Variants in PTPRD observed in about 807,000 individuals in gnomAD.
PTPRD encodes the protein protein tyrosine phosphatase receptor type D, also known as receptor-type tyrosine-protein phosphatase delta.
In PTPRD, 34 loss-of-function variants were observed where a neutral mutation model predicts 214.5. The ratio of observed to expected loss-of-function variants is 0.16; its 90% confidence interval spans 0.12 to 0.21. The LOEUF (loss-of-function observed/expected upper bound fraction) is 0.21. Ranked by LOEUF, PTPRD falls within the 10% of genes least tolerant of loss-of-function variation. The pLI, the probability that PTPRD is intolerant of heterozygous loss-of-function variation, is 1.00. For synonymous variants in PTPRD, 1,128 were observed against 845.7 expected (o/e 1.33, Z -5.79); for missense variants, 2,545 against 2,398.7 (o/e 1.06, Z -1.27).
intron 12 of PTPRD, among the ~76,000 whole-genome samples, chr9:8,710,175 T>C (rs2098300270): frequency 6.6e-6 from 1 of 152,184 alleles, no homozygotes; most frequent in Non-Finnish European, 1.5e-5. Context: ...CTGGCAATAG[T>C]GGACCATATA....
At chr9:9,916,829 C>A (rs1566281134) in intron 5 of PTPRD, among the ~76,000 whole-genome samples, 3 of 151,822 alleles carry the variant, frequency 2.0e-5, no homozygotes, top group African/African-American at 4.8e-5. Flanking sequence ...TGTTAGGACA[C>A]CAAACAAGTT....
intron 11 of PTPRD, among the ~76,000 whole-genome samples, chr9:8,992,644 C>T (rs2099379817): frequency 6.6e-6 from 1 of 152,158 alleles, no homozygotes; most frequent in Non-Finnish European, 1.5e-5. Context: ...TACTTTGAGT[C>T]TTGAACAAAC....
chr9:9,998,405 A>G (rs576713401), intron 4 of PTPRD, among the ~76,000 whole-genome samples: 45 of 151,976 alleles, frequency 3.0e-4, no homozygotes, highest in Non-Finnish European at 4.6e-4. Context: ...TCTAAGCACT[A>G]CAGCCAGTCT....
chr9:8,803,659 G>T (rs1331185110), intron 11 of PTPRD, among the ~76,000 whole-genome samples: 1 of 151,766 alleles, frequency 6.6e-6, no homozygotes, highest in East Asian at 1.9e-4. Flanking sequence ...AAGAGGTGAA[G>T]CCTACAGAAA....
At chr9:9,082,626 T>C (rs1352897855) in intron 10 of PTPRD, among the ~76,000 whole-genome samples, 2 of 152,142 alleles carry the variant, frequency 1.3e-5, no homozygotes, top group East Asian at 1.9e-4. Flanking sequence ...TCTTTGCGGA[T>C]GACATGATTG....
intron 10 of PTPRD, among the ~76,000 whole-genome samples, chr9:9,113,405 G>C (rs2099808902): frequency 6.6e-6 from 1 of 152,106 alleles, no homozygotes; most frequent in Admixed American, 6.6e-5. Context: ...GGAGAGTGTT[G>C]TCCTAAAGGA....
At chr9:8,967,439 G>A (rs2099204165) in intron 11 of PTPRD, among the ~76,000 whole-genome samples, 1 of 152,026 alleles carries the variant, frequency 6.6e-6, no homozygotes, top group Non-Finnish European at 1.5e-5. Context: ...CATTAACAGT[G>A]GGCTGGATAA....
chr9:9,835,071 A>C lies in PTPRD; in HGVS notation c.-367-68220T>G, dbSNP rs545073264. ...GTTACATAATCATCCAAAAGGGCATAAACTTTTCTACTATTTGATGGCATC... is the reference window on the plus strand; with the variant it reads ...GTTACATAATCATCCAAAAGGGCATCAACTTTTCTACTATTTGATGGCATC... On this transcript the variant is annotated intron_variant, in intron 5 of 45. Coordinates refer to ENST00000381196, the MANE Select transcript of PTPRD (RefSeq NM_002839.4). Among the ~76,000 whole-genome samples the C allele has an allele frequency of 3.9e-5, 6 of 152,206 alleles. No homozygotes were observed. The East Asian group carries it at 9.7e-4, about 25-fold the overall frequency.
At chr9:8,730,886 AC>A (rs1322887650) in intron 12 of PTPRD, among the ~76,000 whole-genome samples, 1 of 152,194 alleles carries the variant, frequency 6.6e-6, no homozygotes, top group Non-Finnish European at 1.5e-5. Flanking sequence ...TCACAGCTCT[AC>A]TGTCCAGACA....
chr9:9,996,233 T>C (rs1042622950), intron 4 of PTPRD, among the ~76,000 whole-genome samples: 5 of 152,208 alleles, frequency 3.3e-5, no homozygotes, highest in Admixed American at 2.0e-4. Flanking sequence ...TAACTTAAGT[T>C]GGGAGTTACT....
intron 3 of PTPRD, among the ~76,000 whole-genome samples, chr9:10,060,472 C>G (rs1034950795): frequency 9.2e-5 from 14 of 151,962 alleles, no homozygotes; most frequent in Non-Finnish European, 1.8e-4. Flanking sequence ...TGTAAAATTA[C>G]GAAAACCCTA....
In PTPRD at chr9:9,871,156, GAAAGA is replaced by G. The variant is rs1461387586; in HGVS notation, c.-368+67346_-368+67350del. ...GAAAACTTGAAGCCTACAAAAATTA[GAAAGA>G]AAATAAAATAATTTAGTCCTTACAT... On this transcript the variant is annotated intron_variant, in intron 5 of 45. Coordinates refer to ENST00000381196, the MANE Select transcript of PTPRD (RefSeq NM_002839.4). Among the ~76,000 whole-genome samples, 11 of 152,110 alleles carry G rather than the reference GAAAGA, an allele frequency of 7.2e-5. No individual in the cohort carries two copies. In the South Asian group the frequency reaches 2.1e-3, roughly 29 times the overall value.
At chr9:8,517,746 T>C (rs2097809090) in intron 21 of PTPRD, 102 bp downstream of exon 21, 4 of 1,032,594 alleles carry the variant, frequency 3.9e-6, no homozygotes, top group Admixed American at 2.6e-5. Context: ...ATCTCAAAAA[T>C]TAAAATTCAT....
intron 7 of PTPRD, among the ~76,000 whole-genome samples, chr9:9,695,622 T>A (rs534942067): frequency 6.6e-6 from 1 of 152,338 alleles, no homozygotes; most frequent in South Asian, 2.1e-4. Context: ...TTGGTGTTAA[T>A]TTTTATCTAA....
chr9:9,325,899 T>C (rs932793693), intron 9 of PTPRD, among the ~76,000 whole-genome samples: 2 of 152,234 alleles, frequency 1.3e-5, no homozygotes, highest in African/African-American at 2.4e-5. Flanking sequence ...GTTTTTAGCA[T>C]GAAGGGCTGT....
intron 10 of PTPRD, among the ~76,000 whole-genome samples, chr9:9,049,704 C>A (rs1048312631): frequency 2.6e-5 from 4 of 152,058 alleles, no homozygotes; most frequent in African/African-American, 7.2e-5. Flanking sequence ...TACATGCAGG[C>A]CCTATACCAC....
chr9:9,802,167 C>T (rs188092274), intron 5 of PTPRD, among the ~76,000 whole-genome samples: 43 of 152,014 alleles, frequency 2.8e-4, no homozygotes, highest in Non-Finnish European at 4.3e-4. Flanking sequence ...GTGTGAGGTC[C>T]AATATGATAA....
At chr9:9,239,724 A>G (rs2099969384) in intron 9 of PTPRD, among the ~76,000 whole-genome samples, 2 of 152,128 alleles carry the variant, frequency 1.3e-5, no homozygotes, top group South Asian at 4.1e-4. Context: ...GCTGCTAGCC[A>G]AAGTGCAGGG....
chr9:9,268,763 T>C (rs1330103363), intron 9 of PTPRD, among the ~76,000 whole-genome samples: 2 of 148,460 alleles, frequency 1.3e-5, no homozygotes, highest in Non-Finnish European at 3.0e-5. Flanking sequence ...GGAGAAAGGA[T>C]AGTGTCTTCA....
Sources: allele counts gnomAD v4.1 joint callset (sites outside exome capture counted in the v4.1 genomes callset), GRCh38; gene constraint gnomAD v4.1.1; transcripts MANE v1.5; gene names NCBI Gene and HGNC (gene_info 2026-07-23, HGNC 2026-07-21).